Variants in IDO2 observed in about 807,000 individuals in gnomAD.
IDO2 encodes the protein indoleamine 2,3-dioxygenase 2, also known as indoleamine 2,3-dioxygenase-like 1 protein.
IDO2 carries 46 observed loss-of-function variants against 45.1 expected under a neutral mutation model. That is an observed-to-expected ratio of 1.02 (90% confidence interval 0.80 to 1.30). The LOEUF (loss-of-function observed/expected upper bound fraction) is 1.30. Ranked by LOEUF, IDO2 falls within the 50% of genes most tolerant of loss-of-function variation. The probability of loss-of-function intolerance (pLI) is 0.00; values close to 1 mark genes in which losing one functional copy is unlikely to be tolerated. For synonymous variants in IDO2, 218 were observed against 184.9 expected (o/e 1.18, Z -1.45); for missense variants, 544 against 491.8 (o/e 1.11, Z -1.00).
At chr8:39,986,178 A>G (rs1227851210) in intron 6 of IDO2, 3 of 152,292 alleles carry the variant, frequency 2.0e-5, no homozygotes, top group African/African-American at 7.2e-5. Flanking sequence ...TATATCTTCT[A>G]TGGGAGGCCA....
chr8:39,979,006 G>A, intron 3 of IDO2, 61 bp from the exon 4 acceptor site: 3 of 1,530,788 alleles, frequency 2.0e-6, no homozygotes, highest in Non-Finnish European at 2.7e-6. Flanking sequence ...CCCGGCCCCC[G>A]TTACCTCCCC....
chr8:40,002,007 A>C (rs1028774549), intron 8 of IDO2, among the ~76,000 whole-genome samples: 3 of 151,968 alleles, frequency 2.0e-5, no homozygotes, highest in Non-Finnish European at 4.4e-5. Context: ...GCTGGTCTCA[A>C]ACTCCTGACT....
chr8:39,990,240 T>C (rs368734988), intron 8 of IDO2, among the ~76,000 whole-genome samples: 2 of 152,296 alleles, frequency 1.3e-5, no homozygotes, highest in East Asian at 3.9e-4. Flanking sequence ...TCTAACCCCC[T>C]GTGTTGGTTC....
chr8:39,982,422 G>C (rs530303501), intron 4 of IDO2, among the ~76,000 whole-genome samples: 15 of 152,022 alleles, frequency 9.9e-5, no homozygotes, highest in African/African-American at 2.9e-4. Flanking sequence ...GTGGTCCAGC[G>C]TTGTAATTTT....
At chr8:40,013,068 G>GGT (rs137982997) in intron 9 of IDO2, among the ~76,000 whole-genome samples, 432 of 151,124 alleles carry the variant, frequency 2.9e-3, no homozygotes, top group African/African-American at 8.7e-3. Flanking sequence ...GAAGGGCAAA[G>GGT]GTGTGTGTGT....
intron 1 of IDO2, among the ~76,000 whole-genome samples, chr8:39,943,835 CG>C (rs1357475295): frequency 2.6e-4 from 40 of 151,770 alleles, no homozygotes; most frequent in African/African-American, 9.4e-4. Context: ...AAGACAAGCA[CG>C]CCAACTCTCA....
intron 3 of IDO2, among the ~76,000 whole-genome samples, chr8:39,978,294 G>A (rs1487849814): frequency 2.0e-5 from 3 of 152,280 alleles, no homozygotes; most frequent in African/African-American, 4.8e-5. Flanking sequence ...GGGACCACCC[G>A]GGAAGATCCA....
exon 11 of IDO2, chr8:40,016,216 G>T (rs987731174): frequency 5.0e-6 from 2 of 398,068 alleles, no homozygotes; most frequent in East Asian, 7.1e-5. Context: ...GTGGTACCTA[G>T]ATTTGCAAAT....
chr8:40,003,247 G>A (rs1322820140), intron 8 of IDO2, among the ~76,000 whole-genome samples: 1 of 151,682 alleles, frequency 6.6e-6, no homozygotes, highest in Non-Finnish European at 1.5e-5. Flanking sequence ...ACACATGCCT[G>A]TAGTCCCAGC....
At chr8:39,966,807 C>T (rs918917832) in intron 3 of IDO2, among the ~76,000 whole-genome samples, 5 of 152,070 alleles carry the variant, frequency 3.3e-5, no homozygotes, top group South Asian at 2.1e-4. Context: ...AACTAACCTT[C>T]GTTCATGAAT....
intron 9 of IDO2, among the ~76,000 whole-genome samples, chr8:40,009,551 T>C (rs1802280124): frequency 6.6e-6 from 1 of 152,170 alleles, no homozygotes; most frequent in South Asian, 2.1e-4. Flanking sequence ...TACAGATATT[T>C]GAAAGGAAAA....
At chr8:39,966,448 G>A (rs893191660) in intron 3 of IDO2, among the ~76,000 whole-genome samples, 2 of 152,174 alleles carry the variant, frequency 1.3e-5, no homozygotes, top group East Asian at 3.8e-4. Context: ...CAATAGTTTC[G>A]AGAGACTGAA....
At chr8:39,939,737 A>C (rs957999438) in intron 1 of IDO2, among the ~76,000 whole-genome samples, 1 of 151,438 alleles carries the variant, frequency 6.6e-6, no homozygotes, top group African/African-American at 2.4e-5. Flanking sequence ...CAGATGCCTG[A>C]AAAGTTAATC....
chr8:39,982,838 A>G (rs1274437298), intron 5 of IDO2, 68 bp downstream of exon 5: 3 of 1,018,018 alleles, frequency 2.9e-6, no homozygotes, highest in Admixed American at 5.3e-5. Flanking sequence ...GCTTTTTTTT[A>G]TAATTAGGGA....
chr8:40,010,646 A>G (rs1176549363), intron 9 of IDO2, among the ~76,000 whole-genome samples: 1 of 152,178 alleles, frequency 6.6e-6, no homozygotes, highest in Admixed American at 6.6e-5. Context: ...ATATACTGAA[A>G]TCAAAGTTGA....
At chr8:39,949,243 C>A (rs1228861182) in exon 2 of IDO2, 3 of 1,595,872 alleles carry the variant, frequency 1.9e-6, no homozygotes, top group Non-Finnish European at 2.6e-6. Context: ...AAGAGTATGG[C>A]TTTCTTCTTC....
intron 8 of IDO2, among the ~76,000 whole-genome samples, chr8:40,002,376 A>T (rs1802151152): frequency 6.6e-6 from 1 of 152,086 alleles, no homozygotes; most frequent in Non-Finnish European, 1.5e-5. Flanking sequence ...GCCTTGTGGT[A>T]TTCCTCATTT....
At chr8:39,968,078 C>CAAA (rs35600937) in intron 3 of IDO2, among the ~76,000 whole-genome samples, 8,442 of 139,088 alleles carry the variant, frequency 0.061, 618 homozygotes, top group East Asian at 0.2. Flanking sequence ...TCATAATCAC[C>CAAA]AAAAAAAAAA....
chr8:39,996,589 A>G lies in IDO2; in HGVS notation c.667+6751A>G, dbSNP rs1347464841. On this transcript the variant is annotated intron_variant, in intron 8 of 10. Transcript: ENST00000502986. The stretch of plus-strand genomic sequence containing the variant: ...CCCGGGCCCAGCCGTCTTTTATTCT[A>G]TCTCTTTGTCTTGTGTCTTTATTTC... 2.0e-5 allele frequency among the ~76,000 whole-genome samples: 3 copies of G among 151,536 alleles called. No individual in the cohort carries two copies. In the East Asian group the frequency reaches 5.8e-4, roughly 30 times the overall value.
Sources: allele counts gnomAD v4.1 joint callset (sites outside exome capture counted in the v4.1 genomes callset), GRCh38; gene constraint gnomAD v4.1.1; transcripts MANE v1.5; gene names NCBI Gene and HGNC (gene_info 2026-07-23, HGNC 2026-07-21).